The following NKAIN3 variants were observed in gnomAD, a reference collection of about 807,000 sequenced individuals.
The protein encoded by NKAIN3 is sodium/potassium transporting ATPase interacting 3.
In NKAIN3, 25 loss-of-function variants were observed where a neutral mutation model predicts 30.2. That is an observed-to-expected ratio of 0.83 (90% CI 0.60 to 1.16). NKAIN3 has a LOEUF of 1.16. Among genes scored for constraint, NKAIN3 ranks in the 50% most tolerant of loss-of-function variants. NKAIN3 has a pLI of 0.00. For synonymous variants in NKAIN3, 91 were observed against 89.6 expected (o/e 1.02, Z -0.09); for missense variants, 225 against 254.1 (o/e 0.89, Z 0.78).
At chr8:62,602,194 G>A (rs866568247) in intron 3 of NKAIN3, among the ~76,000 whole-genome samples, 3 of 151,932 alleles carry the variant, frequency 2.0e-5, no homozygotes, top group East Asian at 1.9e-4. Context: ...TTTCCATAAG[G>A]GTTCAAATCG....
At chr8:62,699,828 A>G (rs958664030) in intron 3 of NKAIN3, among the ~76,000 whole-genome samples, 1 of 152,224 alleles carries the variant, frequency 6.6e-6, no homozygotes, top group Non-Finnish European at 1.5e-5. Context: ...CCAATGAATT[A>G]TTACTTAGAA....
intron 4 of NKAIN3, among the ~76,000 whole-genome samples, chr8:62,800,054 A>C (rs1006660269): frequency 5.9e-5 from 9 of 152,092 alleles, no homozygotes. Context: ...TGGGGGAAAG[A>C]CTGGGAGGTG....
intron 3 of NKAIN3, among the ~76,000 whole-genome samples, chr8:62,648,654 T>C (rs1242629487): frequency 1.3e-5 from 2 of 152,184 alleles, no homozygotes; most frequent in African/African-American, 2.4e-5. Flanking sequence ...GGAATCCCCT[T>C]AACAAAAAGG....
At chr8:62,484,838 G>A (rs1053769261) in intron 1 of NKAIN3, among the ~76,000 whole-genome samples, 1 of 152,132 alleles carries the variant, frequency 6.6e-6, no homozygotes, top group African/African-American at 2.4e-5. Flanking sequence ...ATCACAGCAA[G>A]CCAGGAACAG....
intron 2 of NKAIN3, among the ~76,000 whole-genome samples, chr8:62,581,113 A>AAAATAAAATAAAATAAAATAAAATAAAAT (rs1810278763): frequency 3.1e-5 from 2 of 65,566 alleles, no homozygotes; most frequent in African/African-American, 9.5e-5. Flanking sequence ...AAAAAAATAT[A>AAAATAAAATAAAATAAAATAAAATAAAAT]AAATAAAATA....
intron 1 of NKAIN3, among the ~76,000 whole-genome samples, chr8:62,390,874 C>T (rs1817566796): frequency 6.6e-6 from 1 of 152,132 alleles, no homozygotes; most frequent in Admixed American, 6.5e-5. Context: ...CATTTACCCA[C>T]TTTTCAATTG....
intron 4 of NKAIN3, among the ~76,000 whole-genome samples, chr8:62,834,719 G>C (rs1225566052): frequency 6.6e-6 from 1 of 151,980 alleles, no homozygotes; most frequent in Non-Finnish European, 1.5e-5. Context: ...CATGCTCATG[G>C]ATTGGAAGAA....
At chr8:62,924,020 G>A (rs1276514674) in intron 5 of NKAIN3, among the ~76,000 whole-genome samples, 1 of 152,206 alleles carries the variant, frequency 6.6e-6, no homozygotes, top group Non-Finnish European at 1.5e-5. Flanking sequence ...TCACAGTGAA[G>A]TAGAGCCTAA....
intron 2 of NKAIN3, among the ~76,000 whole-genome samples, chr8:62,583,830 G>GATATTATCTATTT (rs1390102562): frequency 6.6e-6 from 1 of 152,102 alleles, no homozygotes; most frequent in African/African-American, 2.4e-5. Flanking sequence ...ATTCTAATAT[G>GATATTATCTATTT]GGTATAAATT....
At chr8:62,911,111 C>T (rs948858369) in intron 4 of NKAIN3, among the ~76,000 whole-genome samples, 4 of 152,012 alleles carry the variant, frequency 2.6e-5, no homozygotes, top group East Asian at 1.9e-4. Context: ...AATAATAATT[C>T]GCTTTAAGTC....
chr8:62,811,536 T>G (rs1447637860), intron 4 of NKAIN3, among the ~76,000 whole-genome samples: 1 of 152,042 alleles, frequency 6.6e-6, no homozygotes, highest in Non-Finnish European at 1.5e-5. Context: ...GCATTTTTCA[T>G]TATTGTCATT....
intron 1 of NKAIN3, among the ~76,000 whole-genome samples, chr8:62,276,342 A>G (rs1161322497): frequency 6.6e-6 from 1 of 152,198 alleles, no homozygotes; most frequent in Non-Finnish European, 1.5e-5. Flanking sequence ...CTGGGATTAC[A>G]GGAGTGAGCC....
chr8:62,339,160 G>A (rs1386782493), intron 1 of NKAIN3, among the ~76,000 whole-genome samples: 1 of 152,008 alleles, frequency 6.6e-6, no homozygotes, highest in East Asian at 1.9e-4. Flanking sequence ...GTCAGGATGA[G>A]GTTGCTTTGT....
intron 3 of NKAIN3, among the ~76,000 whole-genome samples, chr8:62,610,866 C>T (rs575351061): frequency 2.0e-5 from 3 of 152,178 alleles, no homozygotes; most frequent in East Asian, 1.9e-4. Flanking sequence ...ATGAGCCCTA[C>T]TACGTTTTTT....
intron 1 of NKAIN3, chr8:62,474,268 A>G (rs1806443152): frequency 6.6e-6 from 1 of 152,260 alleles, no homozygotes; most frequent in Non-Finnish European, 1.5e-5. Flanking sequence ...AAGAAATCTT[A>G]TGTGAACTAA....
At chr8:62,685,057 T>C (rs1169377794) in intron 3 of NKAIN3, among the ~76,000 whole-genome samples, 1 of 152,182 alleles carries the variant, frequency 6.6e-6, no homozygotes, top group Non-Finnish European at 1.5e-5. Context: ...TAACATCCCA[T>C]GTTCAAATGC....
At chr8:62,341,543 G>A (rs555804954) in intron 1 of NKAIN3, among the ~76,000 whole-genome samples, 2 of 152,058 alleles carry the variant, frequency 1.3e-5, no homozygotes, top group Admixed American at 6.6e-5. Flanking sequence ...CAATTTACTT[G>A]AACTACAGTG....
chr8:62,851,573 A>G (rs149413776), intron 4 of NKAIN3, among the ~76,000 whole-genome samples: 121,311 of 152,024 alleles, frequency 0.8, 48,818 homozygotes, highest in South Asian at 0.88. Flanking sequence ...TGCCCATTCA[A>G]TATGATATTG....
At chr8:62,541,170 A>G (rs1045127467) in intron 1 of NKAIN3, among the ~76,000 whole-genome samples, 1 of 151,886 alleles carries the variant, frequency 6.6e-6, no homozygotes, top group Non-Finnish European at 1.5e-5. Flanking sequence ...AAAAAAAAAT[A>G]GCCAGGTGTG....
Sources: gnomAD v4.1 joint callset for allele counts (sites outside exome capture counted in the v4.1 genomes callset) on GRCh38, gnomAD v4.1.1 for gene constraint, MANE v1.5 for transcripts, NCBI Gene and HGNC (gene_info 2026-07-23, HGNC 2026-07-21) for gene names.